STPG2: variants seen among roughly 807,000 people sequenced by gnomAD.
STPG2 encodes sperm tail PG-rich repeat containing 2, also known as sperm-tail PG-rich repeat-containing protein 2.
Under a neutral mutation model 54.2 loss-of-function variants are expected in STPG2, and 56 were observed. That is an observed-to-expected ratio of 1.03 (90% CI 0.83 to 1.29). STPG2 has a LOEUF of 1.29. Among genes scored for constraint, STPG2 ranks in the 50% most tolerant of loss-of-function variants. STPG2 has a pLI of 0.00. For synonymous variants in STPG2, 200 were observed against 181.8 expected, an observed-to-expected ratio of 1.10 and a Z score of -0.81; for missense variants, 596 against 544.9, an observed-to-expected ratio of 1.09 and a Z score of -0.93.
intron 3 of STPG2, among the ~76,000 whole-genome samples, chr4:98,111,737 T>C (rs3846444): frequency 0.4 from 60,041 of 151,916 alleles, 12,108 homozygotes; most frequent in Middle Eastern, 0.46. Context: ...GTTTCCAGAA[T>C]AGATAGGCAT....
At chr4:98,128,271 C>T (rs769952776) in intron 3 of STPG2, among the ~76,000 whole-genome samples, 157 bp downstream of exon 3, 1 of 152,164 alleles carries the variant, frequency 6.6e-6, no homozygotes, top group Non-Finnish European at 1.5e-5. Context: ...TATTAAACCA[C>T]TAAAATTTGG....
intron 10 of STPG2, among the ~76,000 whole-genome samples, chr4:97,633,289 A>C (rs1051619757): frequency 6.6e-6 from 1 of 152,164 alleles, no homozygotes; most frequent in Non-Finnish European, 1.5e-5. Flanking sequence ...TTAATTAAAT[A>C]TACAAATTAA....
chr4:97,736,924 C>T (rs189730160), intron 9 of STPG2, among the ~76,000 whole-genome samples: 1 of 152,112 alleles, frequency 6.6e-6, no homozygotes, highest in East Asian at 1.9e-4. Context: ...GGTCCCTGAC[C>T]CCTGACCCCC....
At chr4:97,623,146 TA>T (rs1490199037) in intron 10 of STPG2, among the ~76,000 whole-genome samples, 1 of 151,980 alleles carries the variant, frequency 6.6e-6, no homozygotes, top group Non-Finnish European at 1.5e-5. Context: ...AAGTAAAGCC[TA>T]AAACTATAAA....
intron 8 of STPG2, among the ~76,000 whole-genome samples, chr4:97,890,832 AGT>A (rs1403827024): frequency 1.9e-4 from 29 of 151,992 alleles, no homozygotes; most frequent in Admixed American, 1.9e-3. Flanking sequence ...AATTTTTGAG[AGT>A]GAAAAAACTT....
chr4:97,491,574 A>T (rs529897118), intron 4 of STPG2, among the ~76,000 whole-genome samples: 2 of 151,670 alleles, frequency 1.3e-5, no homozygotes, highest in South Asian at 4.1e-4. Context: ...ATAAACAGGC[A>T]TTATATTAGT....
intron 9 of STPG2, among the ~76,000 whole-genome samples, chr4:97,742,565 G>GTATATA (rs139609147): frequency 1.7e-5 from 2 of 118,214 alleles, no homozygotes; most frequent in African/African-American, 6.6e-5. Context: ...GTGTGTGTGT[G>GTATATA]TCTATATATA....
chr4:97,968,101 A>G (rs981889940), intron 7 of STPG2, among the ~76,000 whole-genome samples: 2 of 152,166 alleles, frequency 1.3e-5, no homozygotes, highest in African/African-American at 4.8e-5. Flanking sequence ...AACAAAATTG[A>G]GACACCATTA....
intron 10 of STPG2, among the ~76,000 whole-genome samples, chr4:97,654,601 T>C (rs190725479): frequency 6.6e-6 from 1 of 152,246 alleles, no homozygotes; most frequent in East Asian, 1.9e-4. Context: ...CACTCATTTA[T>C]TTTGTTTATT....
intron 10 of STPG2, among the ~76,000 whole-genome samples, chr4:97,608,918 G>A (rs1052309156): frequency 6.6e-6 from 1 of 152,022 alleles, no homozygotes; most frequent in Non-Finnish European, 1.5e-5. Flanking sequence ...TCCCTGAAAT[G>A]TGGAGACAAC....
chr4:97,882,935 CATAA>C (rs1036409779), intron 8 of STPG2, among the ~76,000 whole-genome samples: 18 of 151,248 alleles, frequency 1.2e-4, no homozygotes, highest in East Asian at 5.9e-4. Context: ...ATTTACAAAA[CATAA>C]ATAAATTTTG....
At chr4:97,692,316 AC>A (rs1723396471) in intron 10 of STPG2, among the ~76,000 whole-genome samples, 18 of 150,490 alleles carry the variant, frequency 1.2e-4, no homozygotes, top group Non-Finnish European at 2.7e-4. Flanking sequence ...AAAAAAAAAA[AC>A]CTCAAGTGAA....
chr4:97,961,664 C>T (rs1223961468), intron 7 of STPG2, among the ~76,000 whole-genome samples: 1 of 152,088 alleles, frequency 6.6e-6, no homozygotes, highest in Non-Finnish European at 1.5e-5. Flanking sequence ...GTGATACCAC[C>T]TTACTCCTGC....
intron 8 of STPG2, among the ~76,000 whole-genome samples, chr4:97,918,546 AG>A (rs1731973071): frequency 6.6e-6 from 1 of 151,728 alleles, no homozygotes; most frequent in Admixed American, 6.6e-5. Context: ...AATTTTCACC[AG>A]GAAATAAATA....
intron 7 of STPG2, among the ~76,000 whole-genome samples, chr4:97,966,569 T>C (rs1734106891): frequency 1.3e-5 from 2 of 152,022 alleles, no homozygotes; most frequent in South Asian, 4.2e-4. Flanking sequence ...AGACACATAA[T>C]TGTCAGATTC....
At chr4:97,754,797 CCATCTGCCCAACTACCAG>C (rs1725681338) in intron 9 of STPG2, among the ~76,000 whole-genome samples, 1 of 152,098 alleles carries the variant, frequency 6.6e-6, no homozygotes, top group Non-Finnish European at 1.5e-5. Flanking sequence ...ACCTCCACTG[CCATCTGCCCAACTACCAG>C]CATCTGCACA....
chr4:97,756,482 C>T (rs866752626), intron 9 of STPG2, among the ~76,000 whole-genome samples: 3 of 152,004 alleles, frequency 2.0e-5, no homozygotes, highest in African/African-American at 7.2e-5. Flanking sequence ...CCACCATGCC[C>T]GGCTAATTTT....
chr4:98,086,666 GAAAAA>G (rs35225418), intron 5 of STPG2, among the ~76,000 whole-genome samples: 2 of 94,926 alleles, frequency 2.1e-5, no homozygotes, highest in South Asian at 3.8e-4. Flanking sequence ...ATGCATGCCA[GAAAAA>G]AAAAAAAAAA....
In STPG2 at chr4:98,126,601, A is replaced by G. The variant is rs1440769380; in HGVS notation, c.387+1827T>C. Among the ~76,000 whole-genome samples, 5 of 152,254 alleles carry G rather than the reference A, an allele frequency of 3.3e-5. No individual in the cohort carries two copies. In the South Asian group the frequency reaches 6.2e-4, roughly 19 times the overall value. On this transcript the variant is annotated intron_variant, in intron 3 of 10. Transcript: ENST00000295268. ...CAACCGCCTAGTCAGTCCCAATGAG[A>G]GAACCTGGATACCTTAGTTGAAGGT... is the stretch of plus-strand genomic sequence containing the variant.
Sources: gnomAD v4.1 joint callset for allele counts (sites outside exome capture counted in the v4.1 genomes callset) on GRCh38, gnomAD v4.1.1 for gene constraint, MANE v1.5 for transcripts, NCBI Gene and HGNC (gene_info 2026-07-23, HGNC 2026-07-21) for gene names.